HTR1F: variants seen among roughly 807,000 people sequenced by gnomAD.
HTR1F encodes 5-hydroxytryptamine receptor 1F, also known as 5-hydroxytryptamine (serotonin) receptor 1F, G protein-coupled.
A neutral mutation model predicts 24.0 loss-of-function variants in HTR1F; 17 were observed. The ratio of observed to expected loss-of-function variants is 0.71; its 90% confidence interval spans 0.48 to 1.06. The LOEUF is 1.06. Among genes scored for constraint, HTR1F ranks in the 50% least tolerant of loss-of-function variants. HTR1F has a pLI of 0.00. For missense variants in HTR1F, 391 were observed against 427.8 expected (o/e 0.91, Z 0.76); for synonymous variants, 186 against 156.8 (o/e 1.19, Z -1.39).
chr3:87,888,734 T>C (rs1453296148), intron 2 of HTR1F, among the ~76,000 whole-genome samples: 2 of 152,176 alleles, frequency 1.3e-5, no homozygotes, highest in Admixed American at 6.6e-5. Flanking sequence ...TGACTGACCT[T>C]ATATGTAAAA....
rs1705666635 is a variant in HTR1F, at chr3:87,876,081, A to G, written c.-43+53957A>G. 2.0e-5 allele frequency among the ~76,000 whole-genome samples: 3 copies of G among 152,322 alleles called. No individual in the cohort carries two copies. The South Asian group carries it at 6.2e-4, about 32-fold the overall frequency. On this transcript the variant is annotated intron_variant, in intron 2 of 2. Coordinates refer to ENST00000319595, the MANE Select transcript of HTR1F (RefSeq NM_001322209.2). ...ATTGCTTCACATTTATACGTCCACT[A>G]CTTAAAAAAACACATAAAATAACAA...
intron 2 of HTR1F, among the ~76,000 whole-genome samples, chr3:87,856,256 G>T (rs1428576371): frequency 1.3e-5 from 2 of 151,820 alleles, no homozygotes; most frequent in African/African-American, 2.4e-5. Flanking sequence ...GTACTATCCA[G>T]GGTTTCAGGA....
intron 2 of HTR1F, among the ~76,000 whole-genome samples, chr3:87,861,724 A>G (rs1279895298): frequency 1.3e-5 from 2 of 152,102 alleles, no homozygotes; most frequent in East Asian, 3.8e-4. Flanking sequence ...TAGATGGCCA[A>G]TTCCTTCCCA....
At chr3:87,931,378 T>A (rs1442640260) in intron 2 of HTR1F, among the ~76,000 whole-genome samples, 3 of 152,226 alleles carry the variant, frequency 2.0e-5, no homozygotes, top group African/African-American at 7.2e-5. Flanking sequence ...GGACGTGAAC[T>A]CATCATTTCT....
intron 1 of HTR1F, among the ~76,000 whole-genome samples, chr3:87,816,925 A>G (rs910918851): frequency 3.3e-5 from 5 of 152,136 alleles, no homozygotes; most frequent in African/African-American, 9.6e-5. Flanking sequence ...TGATATAGTA[A>G]TTATGGCCCC....
chr3:87,934,082 TC>T (rs1385057385), intron 2 of HTR1F, among the ~76,000 whole-genome samples: 2 of 152,190 alleles, frequency 1.3e-5, no homozygotes, highest in Non-Finnish European at 2.9e-5. Context: ...CTAGTCTTCC[TC>T]CCCATACTTC....
chr3:87,887,915 TC>T (rs79026287), intron 2 of HTR1F, among the ~76,000 whole-genome samples: 68,428 of 151,874 alleles, frequency 0.45, 18,928 homozygotes, highest in South Asian at 0.64. Flanking sequence ...GTGTGGCAAT[TC>T]CTCAGGGATC....
chr3:87,845,115 C>G (rs1267072450), intron 2 of HTR1F, among the ~76,000 whole-genome samples: 1 of 151,736 alleles, frequency 6.6e-6, no homozygotes, highest in Non-Finnish European at 1.5e-5. Flanking sequence ...GAGAAACCCA[C>G]AGCCAATATC....
chr3:87,926,310 G>C (rs1320985741), intron 2 of HTR1F, among the ~76,000 whole-genome samples: 1 of 152,130 alleles, frequency 6.6e-6, no homozygotes, highest in Non-Finnish European at 1.5e-5. Flanking sequence ...AGATCAGACA[G>C]TAGGATATGC....
chr3:87,947,920 G>T (rs1014455527), intron 2 of HTR1F, among the ~76,000 whole-genome samples: 2 of 151,866 alleles, frequency 1.3e-5, no homozygotes, highest in African/African-American at 4.8e-5. Context: ...TCTTAATAGT[G>T]CAAAATCAAC....
In HTR1F at chr3:87,978,928, G is replaced by GGAAGGAAGGAAGGAAA. The variant is rs1559656037; in HGVS notation, c.-42-11773_-42-11772insGGAAGGAAAGAAGGAA. ...AGGAAGGAAGGAAGGAAGGAAGGAA[G>GGAAGGAAGGAAGGAAA]GAAGGAAAAGAGAGAGATGGGAAAG... On this transcript the variant is annotated intron_variant, in intron 2 of 2. Coordinates refer to ENST00000319595, the MANE Select transcript of HTR1F (RefSeq NM_001322209.2). Among the ~76,000 whole-genome samples, 35 of 70,392 alleles carry GGAAGGAAGGAAGGAAA rather than the reference G, an allele frequency of 5.0e-4. No individual in the cohort carries two copies. The East Asian group carries it at 6.7e-3, about 14-fold the overall frequency. 46.2% of individuals were successfully genotyped at this position (70,392 alleles called of 152,430 possible).
At chr3:87,802,078 C>G (rs1431800144) in intron 1 of HTR1F, among the ~76,000 whole-genome samples, 2 of 66,532 alleles carry the variant, frequency 3.0e-5, no homozygotes, top group African/African-American at 6.9e-5. Flanking sequence ...TTCCCTCCCT[C>G]CTTCCCTCCC....
intron 2 of HTR1F, among the ~76,000 whole-genome samples, chr3:87,982,014 T>C (rs1705554776): frequency 6.6e-6 from 1 of 151,972 alleles, no homozygotes; most frequent in Non-Finnish European, 1.5e-5. Context: ...TCACTGCAAC[T>C]CCACCTCAAG....
chr3:87,944,992 G>A (rs1704660507), intron 2 of HTR1F, among the ~76,000 whole-genome samples: 1 of 152,044 alleles, frequency 6.6e-6, no homozygotes, highest in Non-Finnish European at 1.5e-5. Context: ...GTTTACCCTG[G>A]CTTTTAAAGG....
chr3:87,991,953 G>T lies in HTR1F; in HGVS notation c.*103G>T. 1 of 938,804 alleles carries T rather than the reference G, an allele frequency of 1.1e-6. No homozygotes were observed. Among genetic ancestry groups the T allele is most frequent in the African/African-American group, 1.7e-5 (1 of 59,960 alleles). The allele number at this position is 938,804 out of a possible 1,614,324, so 58.2% of individuals were successfully genotyped here. A position where few individuals can be genotyped will look rare whatever the true frequency, so the allele number is the denominator to read the frequency against. ...CTTAAGCTTTTAGAGGGAAATACAT[G>T]AAAACTGCTAAATTGATAAGGCTAT... On this transcript the variant is annotated 3_prime_UTR_variant, in exon 3 of 3. Transcript: ENST00000319595.
At chr3:87,835,915 C>A (rs150485288) in intron 2 of HTR1F, among the ~76,000 whole-genome samples, 1 of 152,102 alleles carries the variant, frequency 6.6e-6, no homozygotes, top group Non-Finnish European at 1.5e-5. Context: ...ATTTTCAGAC[C>A]CTTGCATTAG....
chr3:87,983,728 T>C (rs1705601962), intron 2 of HTR1F, among the ~76,000 whole-genome samples: 1 of 152,238 alleles, frequency 6.6e-6, no homozygotes, highest in African/African-American at 2.4e-5. Flanking sequence ...AATTGAATTA[T>C]CTTTTACTTA....
chr3:87,886,460 T>C (rs1705946064), intron 2 of HTR1F, among the ~76,000 whole-genome samples: 1 of 152,142 alleles, frequency 6.6e-6, no homozygotes, highest in Non-Finnish European at 1.5e-5. Flanking sequence ...TCACCACTCC[T>C]ATGCAACATA....
At chr3:87,850,464 G>C (rs1050874050) in intron 2 of HTR1F, among the ~76,000 whole-genome samples, 1 of 151,740 alleles carries the variant, frequency 6.6e-6, no homozygotes, top group Admixed American at 6.6e-5. Flanking sequence ...GTTGTGGGGT[G>C]GGGGGAGTGG....
Sources: allele counts gnomAD v4.1 joint callset (sites outside exome capture counted in the v4.1 genomes callset), GRCh38; gene constraint gnomAD v4.1.1; transcripts MANE v1.5; gene names NCBI Gene and HGNC (gene_info 2026-07-23, HGNC 2026-07-21).